The following NFATC2 variants were observed in gnomAD, a reference collection of about 807,000 sequenced individuals.
The protein encoded by NFATC2 is nuclear factor of activated T-cells, cytoplasmic 2.
A neutral mutation model predicts 87.3 loss-of-function variants in NFATC2; 22 were observed. The observed-to-expected ratio is 0.25, with a 90% CI of 0.18 to 0.36. The LOEUF is 0.36. Ranked by LOEUF, NFATC2 falls within the 10% of genes least tolerant of loss-of-function variation. NFATC2 has a pLI of 1.00. For synonymous variants in NFATC2, 565 were observed against 542.2 expected (o/e 1.04, Z -0.58); for missense variants, 1,149 against 1,259.1 (o/e 0.91, Z 1.32).
At chr20:51,488,655 G>A (rs1414235908) in intron 3 of NFATC2, among the ~76,000 whole-genome samples, 1 of 152,072 alleles carries the variant, frequency 6.6e-6, no homozygotes, top group Non-Finnish European at 1.5e-5. Context: ...GTTGTTCAAC[G>A]GGACCTTCAA....
intron 5 of NFATC2, among the ~76,000 whole-genome samples, chr20:51,464,822 C>T (rs1032080828): frequency 2.0e-5 from 3 of 152,248 alleles, no homozygotes; most frequent in Admixed American, 1.3e-4. Flanking sequence ...CCCCGAGGCT[C>T]AGTGGGATGC....
At chr20:51,399,603 A>T (rs900686260) in intron 9 of NFATC2, among the ~76,000 whole-genome samples, 9 of 152,196 alleles carry the variant, frequency 5.9e-5, no homozygotes, top group African/African-American at 2.2e-4. Flanking sequence ...AGAGGCCTGG[A>T]TTTCCCAATG....
chr20:51,417,849 A>C lies in NFATC2; in HGVS notation c.2722+14218T>G, dbSNP rs112887189. Among the ~76,000 whole-genome samples the C allele has an allele frequency of 3.2e-3, 480 of 151,248 alleles. 2 individuals are homozygous for C. The highest frequency in any genetic ancestry group is 9.2e-3 in the African/African-American group (377 of 41,154). On this transcript the variant is annotated intron_variant, in intron 9 of 10. Coordinates refer to ENST00000371564, the MANE Select transcript of NFATC2 (RefSeq NM_012340.5). ...CAAACCAAAAAAGCAAATGCTCAGCAACACGCCCCCTGAGCAGTTCCCGAG... is the reference window on the plus strand; with the variant it reads ...CAAACCAAAAAAGCAAATGCTCAGCCACACGCCCCCTGAGCAGTTCCCGAG...
At chr20:51,559,650 G>T (rs115646409) in intron 1 of NFATC2, among the ~76,000 whole-genome samples, 2 of 152,186 alleles carry the variant, frequency 1.3e-5, no homozygotes, top group African/African-American at 2.4e-5. Flanking sequence ...CTTAATGCTT[G>T]CAGAGCACTT....
chr20:51,514,498 C>A (rs1199202697), intron 3 of NFATC2, among the ~76,000 whole-genome samples: 3 of 152,104 alleles, frequency 2.0e-5, no homozygotes, highest in Non-Finnish European at 4.4e-5. Flanking sequence ...GAGACATTGA[C>A]AAAATAATTA....
rs189224789 is a variant in NFATC2, at chr20:51,492,093, C to T, written c.1333-16433G>A. Among the ~76,000 whole-genome samples the T allele has an allele frequency of 1.6e-4, 25 of 152,122 alleles. No individual in the cohort carries two copies. The East Asian group carries it at 4.5e-3, about 27-fold the overall frequency. On this transcript the variant is annotated intron_variant, in intron 3 of 10. Transcript: ENST00000371564. The stretch of plus-strand genomic sequence containing the variant: ...CGCATCCCTGCACATCCCAGAAATG[C>T]GCAAATCCTACAAACCAAATCACCT...
intron 3 of NFATC2, among the ~76,000 whole-genome samples, chr20:51,509,404 C>T (rs2076237312): frequency 6.6e-6 from 1 of 152,162 alleles, no homozygotes; most frequent in Non-Finnish European, 1.5e-5. Flanking sequence ...ACAGTAGGTG[C>T]TTGGTAAGTA....
At position 51,523,849 on chromosome 20, in the gene NFATC2, C is replaced by G. The variant is rs1600945500; in HGVS notation, c.392G>C (p.Arg131Thr). The G allele has an allele frequency of 6.2e-7, 1 of 1,610,784 alleles. No individual in the cohort carries two copies. Among genetic ancestry groups the G allele is most frequent in the African/African-American group, 1.3e-5 (1 of 74,886 alleles). ...CTGCTCCACCAGGAGGCCCGCGTCT[C>G]TCATGCGGAGGGGCCCCACTGCCTG... ...LIQAVGPLRM[R>T]DAGLLVEQPP... is the part of the protein sequence containing the mutation. Residue 131 changes from arginine (R) to threonine (T), a missense_variant, in exon 2 of 11, where the codon AGA becomes ACA. Transcript: ENST00000371564. The surrounding 1 kb of genome is among the most constrained non-coding windows in gnomAD (Gnocchi z 6.9).
chr20:51,422,065 TAAC>T (rs550295676), intron 9 of NFATC2, among the ~76,000 whole-genome samples: 12 of 152,204 alleles, frequency 7.9e-5, no homozygotes, highest in Non-Finnish European at 1.5e-4. Flanking sequence ...TTTTGGAAAT[TAAC>T]AACGAGGGAG....
At chr20:51,490,558 T>G (rs573098729) in intron 3 of NFATC2, among the ~76,000 whole-genome samples, 2 of 152,306 alleles carry the variant, frequency 1.3e-5, no homozygotes, top group South Asian at 4.1e-4. Flanking sequence ...CAGAAATTTA[T>G]CTTGAAAGAA....
chr20:51,418,525 A>G (rs1167702872), intron 9 of NFATC2, among the ~76,000 whole-genome samples: 12 of 152,244 alleles, frequency 7.9e-5, no homozygotes, highest in Non-Finnish European at 7.3e-5. Context: ...AGAAAAGGTA[A>G]TAAGAAAATG....
Position 51,523,857 on chromosome 20 carries a change from G to A in NFATC2, c.384C>T (p.Leu128=). 6.2e-7 allele frequency: 1 copy of A among 1,610,186 alleles called. No homozygotes were observed. The highest frequency in any genetic ancestry group is 2.2e-5 in the East Asian group (1 of 44,772). ...CCAGGAGGCCCGCGTCTCTCATGCG[G>A]AGGGGCCCCACTGCCTGGATCAGTT... ...SHELIQAVGP[L]RMRDAGLLVE... The change falls in exon 2 of 11, where the codon CTC becomes CTT. Residue 128 remains leucine (L), a synonymous_variant. Transcript: ENST00000371564. The surrounding 1 kb of genome is among the most constrained non-coding windows in gnomAD (Gnocchi z 6.9).
At chr20:51,479,927 A>C (rs1345144973) in intron 3 of NFATC2, among the ~76,000 whole-genome samples, 1 of 152,158 alleles carries the variant, frequency 6.6e-6, no homozygotes, top group Non-Finnish European at 1.5e-5. Context: ...CTCTCTGATT[A>C]CTACAGGTCA....
chr20:51,558,553 TG>T (rs2076997495), intron 1 of NFATC2, among the ~76,000 whole-genome samples: 1 of 152,166 alleles, frequency 6.6e-6, no homozygotes, highest in Non-Finnish European at 1.5e-5. Context: ...ATTTTTTGAA[TG>T]GGTACCTTCC....
In NFATC2 at chr20:51,465,513, A is replaced by G. The variant is rs140988497; in HGVS notation, c.1708+8467T>C. On this transcript the variant is annotated intron_variant, in intron 5 of 10. Transcript: ENST00000371564. The stretch of plus-strand genomic sequence containing the variant: ...TCACCTCCGACCCCTCACCCCACCT[A>G]TAACACTCCACACAGTCTCCCTGGG... 3.9e-3 allele frequency among the ~76,000 whole-genome samples: 586 copies of G among 152,178 alleles called. 5 individuals are homozygous for G. Among genetic ancestry groups the G allele is most frequent in the African/African-American group, 0.013 (547 of 41,518 alleles).
Position 51,524,354 on chromosome 20 carries a change from G to C in NFATC2, c.131-244C>G, listed in dbSNP as rs6067807. 0.76 allele frequency among the ~76,000 whole-genome samples: 115,713 copies of C among 152,012 alleles called. 44,266 individuals are homozygous for C. The highest frequency in any genetic ancestry group is 0.83 in the African/African-American group (34,272 of 41,448). ...GGAAGACCCCTGGGCTAAGGGCCTC[G>C]AAACTTGGCTTTAAATGAAACCCTT... On this transcript the variant is annotated intron_variant, in intron 1 of 10. Transcript: ENST00000371564. The surrounding 1 kb of genome is among the most constrained non-coding windows in gnomAD (Gnocchi z 4.0).
chr20:51,477,567 AT>A (rs1568667251), intron 3 of NFATC2, among the ~76,000 whole-genome samples: 2,110 of 100,944 alleles, frequency 0.021, 73 homozygotes, highest in African/African-American at 0.066. Context: ...ATATATATAT[AT>A]ATATATATAT....
rs140095444 is a variant in NFATC2 at position 51,468,447 on chromosome 20, G to A, written c.1708+5533C>T. 2.8e-4 allele frequency among the ~76,000 whole-genome samples: 43 copies of A among 152,352 alleles called. 2 individuals carry two copies. In the East Asian group the frequency reaches 7.9e-3, roughly 28 times the overall value. ...AATGAGCAAAGCGAATTTACATTCTGTGCCCTGAGCTGGCAGGGCTTTGTG... is the reference window on the plus strand; with the variant it reads ...AATGAGCAAAGCGAATTTACATTCTATGCCCTGAGCTGGCAGGGCTTTGTG... On this transcript the variant is annotated intron_variant, in intron 5 of 10. Coordinates refer to ENST00000371564, the MANE Select transcript of NFATC2 (RefSeq NM_012340.5).
rs148590889 is a variant in NFATC2, at chr20:51,435,225, T to C, written c.1995A>G (p.Arg665=). Residue 665 remains arginine, a synonymous_variant, in exon 8 of 11, where the codon AGA becomes AGG. Coordinates refer to ENST00000371564, the MANE Select transcript of NFATC2 (RefSeq NM_012340.5). ...KVNFYVINGK[R]KRSQPQHFTY... is the part of the protein sequence containing the mutation. Reference sequence around the variant, plus strand: ...TAAAGTGCTGAGGCTGACTTCGTTTTCTCTTCCCATTGATGACGTAGAAGT... The same window carrying C: ...TAAAGTGCTGAGGCTGACTTCGTTTCCTCTTCCCATTGATGACGTAGAAGT... 3.7e-6 allele frequency: 6 copies of C among 1,614,084 alleles called. No individual in the cohort carries two copies. The African/African-American group carries it at 8.0e-5, about 22-fold the overall frequency.
Sources: allele counts gnomAD v4.1 joint callset (sites outside exome capture counted in the v4.1 genomes callset), GRCh38; gene constraint gnomAD v4.1.1; non-coding constraint Gnocchi (gnomAD v3.1); transcripts MANE v1.5; gene names NCBI Gene and HGNC (gene_info 2026-07-23, HGNC 2026-07-21).